Variants in BAZ2B observed in about 807,000 individuals in gnomAD.
The protein encoded by BAZ2B is bromodomain adjacent to zinc finger domain 2B, also known as bromodomain adjacent to zinc finger domain protein 2B.
Under a neutral mutation model 246.0 loss-of-function variants are expected in BAZ2B, and 91 were observed. The ratio of observed to expected loss-of-function variants is 0.37; its 90% confidence interval spans 0.31 to 0.44. BAZ2B has a LOEUF of 0.44. Among genes scored for constraint, BAZ2B ranks in the 20% least tolerant of loss-of-function variants. The pLI, the probability that BAZ2B is intolerant of heterozygous loss-of-function variation, is 1.00. For missense variants in BAZ2B, 2,332 were observed against 2,533.7 expected (o/e 0.92, Z 1.71); for synonymous variants, 855 against 860.0 (o/e 0.99, Z 0.10).
At chr2:159,424,744 G>C (rs1204499144) in intron 13 of BAZ2B, among the ~76,000 whole-genome samples, 1 of 152,098 alleles carries the variant, frequency 6.6e-6, no homozygotes, top group African/African-American at 2.4e-5. Flanking sequence ...AAATAACACA[G>C]TATTGGCATA....
chr2:159,585,325 G>C (rs747330966), intron 1 of BAZ2B, among the ~76,000 whole-genome samples: 2 of 152,252 alleles, frequency 1.3e-5, no homozygotes, highest in South Asian at 4.1e-4. Context: ...AATGTGATAG[G>C]AAACTTCTAT....
chr2:159,487,865 T>C (rs1426475732), intron 2 of BAZ2B, among the ~76,000 whole-genome samples: 1 of 151,382 alleles, frequency 6.6e-6, no homozygotes, highest in African/African-American at 2.4e-5. Context: ...ATAAGAATAA[T>C]AGTGTTCCTG....
the BAZ2B span, among the ~76,000 whole-genome samples, chr2:159,648,951 T>G: frequency 6.6e-6 from 1 of 152,172 alleles, no homozygotes; most frequent in Non-Finnish European, 1.5e-5. Context: ...GAATAAGTAC[T>G]CCACATATCC....
chr2:159,590,515 C>T (rs1440008728), intron 1 of BAZ2B, among the ~76,000 whole-genome samples: 6 of 151,666 alleles, frequency 4.0e-5, no homozygotes, highest in Admixed American at 2.0e-4. Flanking sequence ...TGCTTGAACC[C>T]GGGGGGGTGG....
At chr2:159,397,193 G>T in intron 19 of BAZ2B, 152 bp downstream of exon 19, 1 of 1,305,652 alleles carries the variant, frequency 7.7e-7, no homozygotes, top group Non-Finnish European at 1.1e-6. Context: ...CAATACCAAA[G>T]CAAGGCAATA....
Position 159,430,980 on chromosome 2 carries a change from G to C in BAZ2B, c.2077C>G (p.Arg693Gly), listed in dbSNP as rs199678669. 8 of 1,614,004 alleles carry C rather than the reference G, an allele frequency of 5.0e-6. No homozygotes were observed. In the South Asian group the frequency reaches 5.5e-5, roughly 11 times the overall value. The change falls in exon 10 of 37, where the codon CGT (arginine) becomes GGT (glycine). Residue 693 changes from arginine to glycine, a missense_variant. By Grantham distance (125) the Arg-to-Gly change is moderately radical. Coordinates refer to ENST00000392783, the MANE Select transcript of BAZ2B (RefSeq NM_013450.4). ...GGGGCTTTTGCTATGTGGAGGTTAC[G>C]AGGTGTTGAGTGACCTGTGAGACTC... ...SMSLTGHSTP[R>G]NLHIAKAPGS...
At chr2:159,475,124 C>T (rs1252580835) in intron 3 of BAZ2B, among the ~76,000 whole-genome samples, 1 of 152,092 alleles carries the variant, frequency 6.6e-6, no homozygotes, top group Non-Finnish European at 1.5e-5. Flanking sequence ...GGGAAATTCT[C>T]CCGGGTAATA....
intron 30 of BAZ2B, 138 bp downstream of exon 30, chr2:159,348,540 G>T: frequency 1.0e-6 from 1 of 1,004,666 alleles, no homozygotes; most frequent in Non-Finnish European, 1.4e-6. Flanking sequence ...TTGACTGTTT[G>T]ATCTGCGATT....
chr2:159,403,456 T>C (rs551879357), intron 16 of BAZ2B, among the ~76,000 whole-genome samples: 11 of 152,180 alleles, frequency 7.2e-5, no homozygotes, highest in African/African-American at 2.7e-4. Context: ...TGGGATCTAA[T>C]GAGTCTCCAG....
the BAZ2B span, among the ~76,000 whole-genome samples, chr2:159,649,206 C>T: frequency 6.6e-6 from 1 of 151,962 alleles, no homozygotes; most frequent in South Asian, 2.1e-4. Flanking sequence ...GTTCTTTATA[C>T]ATTTTGGATA....
At chr2:159,523,225 A>T (rs1458229624) in intron 2 of BAZ2B, among the ~76,000 whole-genome samples, 6 of 152,074 alleles carry the variant, frequency 3.9e-5, no homozygotes, top group Admixed American at 2.6e-4. Flanking sequence ...TAATAGTGAG[A>T]CCTGGTCTCT....
downstream of BAZ2B, among the ~76,000 whole-genome samples, chr2:159,316,462 G>C (rs951898347): frequency 6.6e-6 from 1 of 151,896 alleles, no homozygotes; most frequent in South Asian, 2.1e-4. Context: ...GGAGGCCGTG[G>C]GGGCAGATCA....
At position 159,431,029 on chromosome 2, in the gene BAZ2B, A is replaced by G. The variant is rs930789138; in HGVS notation, c.2028T>C (p.Thr676=). ...TCATGGAAGGGCTTTTGACAGAGGAAGTTGTTTTATTCAGTTTCATTGAAG... is the reference window on the plus strand; with the variant it reads ...TCATGGAAGGGCTTTTGACAGAGGAGGTTGTTTTATTCAGTTTCATTGAAG... ...EKTSMKLNKT[T]SSVKSPSMSL... The change falls in exon 10 of 37, where the codon ACT becomes ACC. Residue 676 remains threonine (T), a synonymous_variant. Transcript: ENST00000392783. 3.1e-6 allele frequency: 5 copies of G among 1,613,878 alleles called. No individual in the cohort carries two copies. Among genetic ancestry groups the G allele is most frequent in the Non-Finnish European group, 4.2e-6 (5 of 1,179,920 alleles).
intron 2 of BAZ2B, among the ~76,000 whole-genome samples, chr2:159,515,436 T>C (rs2083334074): frequency 1.3e-5 from 2 of 152,058 alleles, no homozygotes; most frequent in African/African-American, 4.8e-5. Flanking sequence ...AAACTAAGAG[T>C]TCTGTTCCAA....
the BAZ2B span, among the ~76,000 whole-genome samples, chr2:159,624,573 C>T: frequency 6.6e-6 from 1 of 152,324 alleles, no homozygotes; most frequent in South Asian, 2.1e-4. Context: ...GGACCTCCAG[C>T]AGACCTGCAG....
intron 21 of BAZ2B, among the ~76,000 whole-genome samples, chr2:159,386,985 A>C (rs1048501591): frequency 3.9e-5 from 6 of 152,178 alleles, no homozygotes; most frequent in South Asian, 2.1e-4. Flanking sequence ...ACATTTCAAA[A>C]GTACTTTACC....
intron 2 of BAZ2B, among the ~76,000 whole-genome samples, chr2:159,499,701 A>C (rs113912234): frequency 0.01 from 1,545 of 152,210 alleles, 32 homozygotes; most frequent in African/African-American, 0.034. Context: ...TTGACTTTTT[A>C]ATAATAGCCA....
At chr2:159,332,722 C>G (rs1369089857) in intron 33 of BAZ2B, 36 bp from the exon 34 acceptor site, 2 of 1,606,970 alleles carry the variant, frequency 1.2e-6, no homozygotes, top group Non-Finnish European at 1.7e-6. Flanking sequence ...AATTAACGCT[C>G]TGCCATGAAT....
intron 27 of BAZ2B, among the ~76,000 whole-genome samples, chr2:159,368,856 C>T (rs1201093317): frequency 3.0e-5 from 2 of 67,524 alleles, no homozygotes; most frequent in Non-Finnish European, 7.8e-5. Context: ...ATCTGAAAGG[C>T]CTAAAAAAAA....
Sources: allele counts gnomAD v4.1 joint callset (sites outside exome capture counted in the v4.1 genomes callset), GRCh38; gene constraint gnomAD v4.1.1; transcripts MANE v1.5; gene names NCBI Gene and HGNC (gene_info 2026-07-23, HGNC 2026-07-21).